The following KIF6 variants were observed in gnomAD, a reference collection of about 807,000 sequenced individuals.
KIF6 encodes the protein kinesin family member 6.
A neutral mutation model predicts 112.7 loss-of-function variants in KIF6; 106 were observed. The ratio of observed to expected loss-of-function variants is 0.94; its 90% CI spans 0.80 to 1.11. The LOEUF (loss-of-function observed/expected upper bound fraction) is 1.11, where lower values mean the gene tolerates loss of function less well. KIF6 is among the 50% of genes least tolerant of loss of function. The pLI is 0.00. For synonymous variants in KIF6, 339 were observed against 339.9 expected (o/e 1.00, Z 0.03); for missense variants, 929 against 964.0 (o/e 0.96, Z 0.48).
intron 16 of KIF6, among the ~76,000 whole-genome samples, chr6:39,367,163 C>G (rs999871095): frequency 2.0e-5 from 3 of 152,172 alleles, no homozygotes; most frequent in Non-Finnish European, 2.9e-5. Context: ...CTGGCTGCTT[C>G]TGATATGTTC....
At chr6:39,496,406 C>T (rs1210791242) in intron 13 of KIF6, among the ~76,000 whole-genome samples, 1 of 152,164 alleles carries the variant, frequency 6.6e-6, no homozygotes, top group African/African-American at 2.4e-5. Flanking sequence ...CTATTTTAGG[C>T]ACTTCATATT....
intron 13 of KIF6, among the ~76,000 whole-genome samples, chr6:39,515,683 C>A (rs895818777): frequency 1.3e-5 from 2 of 152,300 alleles, no homozygotes; most frequent in Non-Finnish European, 2.9e-5. Context: ...GATGTGGTTT[C>A]TCCACCCCTC....
At chr6:39,503,651 C>T (rs909927311) in intron 13 of KIF6, among the ~76,000 whole-genome samples, 1 of 152,032 alleles carries the variant, frequency 6.6e-6, no homozygotes, top group Admixed American at 6.5e-5. Flanking sequence ...GATATCACCA[C>T]TGACCCCACA....
At chr6:39,609,235 G>A (rs1476724507) in intron 6 of KIF6, among the ~76,000 whole-genome samples, 1 of 152,136 alleles carries the variant, frequency 6.6e-6, no homozygotes, top group Non-Finnish European at 1.5e-5. Context: ...GACCATTCAC[G>A]TGGGAAAGGA....
At chr6:39,382,853 T>C (rs1370396449) in intron 16 of KIF6, among the ~76,000 whole-genome samples, 1 of 152,038 alleles carries the variant, frequency 6.6e-6, no homozygotes, top group Admixed American at 6.5e-5. Flanking sequence ...TTTTTAGCAA[T>C]AGCCATTCTG....
chr6:39,713,427 G>A (rs1001410332), intron 3 of KIF6, among the ~76,000 whole-genome samples: 1 of 152,190 alleles, frequency 6.6e-6, no homozygotes, highest in Admixed American at 6.5e-5. Flanking sequence ...AGGAACTGAA[G>A]TAGTGAATAT....
chr6:39,340,249 C>T (rs1048686164), intron 22 of KIF6, among the ~76,000 whole-genome samples: 6 of 152,206 alleles, frequency 3.9e-5, no homozygotes, highest in African/African-American at 1.2e-4. Flanking sequence ...AAAAATTGAG[C>T]TGTGGAAGTT....
At chr6:39,409,262 T>C (rs1250300477) in intron 15 of KIF6, among the ~76,000 whole-genome samples, 1 of 152,174 alleles carries the variant, frequency 6.6e-6, no homozygotes, top group Non-Finnish European at 1.5e-5. Flanking sequence ...TGTCCAAGCA[T>C]TGACACCTGA....
chr6:39,684,499 C>T (rs1049339645), intron 3 of KIF6, among the ~76,000 whole-genome samples: 8 of 151,978 alleles, frequency 5.3e-5, no homozygotes, highest in African/African-American at 1.9e-4. Flanking sequence ...CCTGTAACCC[C>T]AGCCACTCGG....
At chr6:39,625,326 T>C (rs558072107) in intron 5 of KIF6, among the ~76,000 whole-genome samples, 1 of 152,312 alleles carries the variant, frequency 6.6e-6, no homozygotes, top group South Asian at 2.1e-4. Context: ...TCCCTTGTTA[T>C]TACTCTAGTA....
At chr6:39,581,062 C>T (rs1781261364) in intron 9 of KIF6, among the ~76,000 whole-genome samples, 1 of 152,070 alleles carries the variant, frequency 6.6e-6, no homozygotes, top group Non-Finnish European at 1.5e-5. Context: ...CAGCTTTCAT[C>T]CTTTCTGGAA....
At chr6:39,451,144 G>A (rs1212151709) in intron 13 of KIF6, among the ~76,000 whole-genome samples, 3 of 152,148 alleles carry the variant, frequency 2.0e-5, no homozygotes, top group Non-Finnish European at 4.4e-5. Flanking sequence ...TATTTACTCA[G>A]TGGCCACTAT....
At chr6:39,608,792 T>C (rs1331926852) in intron 6 of KIF6, among the ~76,000 whole-genome samples, 1 of 152,238 alleles carries the variant, frequency 6.6e-6, no homozygotes, top group African/African-American at 2.4e-5. Flanking sequence ...CTTTCAATTC[T>C]GGGCCTGACA....
chr6:39,447,215 T>C (rs1448602466), intron 13 of KIF6, among the ~76,000 whole-genome samples: 2 of 152,098 alleles, frequency 1.3e-5, no homozygotes, highest in Non-Finnish European at 2.9e-5. Flanking sequence ...CTCATCTCAT[T>C]GAGAAAATGA....
chr6:39,596,757 G>A (rs1782291157), intron 6 of KIF6, among the ~76,000 whole-genome samples: 1 of 152,016 alleles, frequency 6.6e-6, no homozygotes, highest in Non-Finnish European at 1.5e-5. Flanking sequence ...GAAATAGAAG[G>A]CATAATAGTA....
At chr6:39,654,303 C>A (rs557293531) in intron 3 of KIF6, among the ~76,000 whole-genome samples, 1 of 152,178 alleles carries the variant, frequency 6.6e-6, no homozygotes, top group East Asian at 1.9e-4. Context: ...CCTCCACCCC[C>A]ACAAACAGAA....
chr6:39,536,361 A>ACG (rs1778425254), intron 13 of KIF6, among the ~76,000 whole-genome samples: 1 of 152,232 alleles, frequency 6.6e-6, no homozygotes, highest in Admixed American at 6.5e-5. Context: ...AAATAGATGC[A>ACG]ATAAAAAATG....
chr6:39,565,943 A>C (rs993922249), intron 10 of KIF6, among the ~76,000 whole-genome samples: 5 of 152,226 alleles, frequency 3.3e-5, no homozygotes, highest in Admixed American at 6.5e-5. Flanking sequence ...AAAATAAAGT[A>C]TCCCTGCTGA....
At chr6:39,665,457 T>C (rs1786411583) in intron 3 of KIF6, among the ~76,000 whole-genome samples, 2 of 152,092 alleles carry the variant, frequency 1.3e-5, no homozygotes, top group Admixed American at 1.3e-4. Context: ...CTCAACACAA[T>C]TTATAACTCT....
Sources: allele counts gnomAD v4.1 joint callset (sites outside exome capture counted in the v4.1 genomes callset), GRCh38; gene constraint gnomAD v4.1.1; transcripts MANE v1.5; gene names NCBI Gene and HGNC (gene_info 2026-07-23, HGNC 2026-07-21).